Variants in GDA observed in about 807,000 individuals in gnomAD.
The protein encoded by GDA is cytoplasmic PSD-95 interactor.
GDA carries 18 observed loss-of-function variants against 59.6 expected under a neutral mutation model. The observed-to-expected ratio is 0.30, with a 90% CI of 0.21 to 0.45. The LOEUF is 0.45. Ranked by LOEUF, GDA falls within the 20% of genes least tolerant of loss-of-function variation. GDA has a pLI of 1.00. For synonymous variants in GDA, 201 were observed against 201.1 expected (o/e 1.00, Z 0.00); for missense variants, 427 against 552.3 (o/e 0.77, Z 2.27).
chr9:72,225,586 A>G (rs996003108), intron 7 of GDA, 91 bp from the exon 8 acceptor site: 2 of 672,622 alleles, frequency 3.0e-6, no homozygotes, highest in Non-Finnish European at 5.3e-6. Context: ...ATAGGCAAGT[A>G]GAAAACCATT....
intron 1 of GDA, among the ~76,000 whole-genome samples, chr9:72,121,417 G>T (rs951776971): frequency 6.6e-6 from 1 of 152,120 alleles, no homozygotes; most frequent in Non-Finnish European, 1.5e-5. Context: ...GGCCAACATG[G>T]TGAATCCCGT....
In GDA at chr9:72,135,977, C is replaced by T. The variant is rs1220332137; in HGVS notation, c.-100+21144C>T. The stretch of plus-strand genomic sequence containing the variant: ...CTTCGGGTATTACAAATGGCACCTA[C>T]ATTGATTTAGTTCTATCTGTAAATC... On this transcript the variant is annotated intron_variant, in intron 1 of 13. Transcript: ENST00000545168. Among the ~76,000 whole-genome samples the T allele has an allele frequency of 7.9e-5, 12 of 152,030 alleles. No homozygotes were observed. The East Asian group carries it at 1.4e-3, about 17-fold the overall frequency.
chr9:72,116,866 G>T (rs4395955), intron 1 of GDA, among the ~76,000 whole-genome samples: 17,729 of 151,644 alleles, frequency 0.12, 2,148 homozygotes, highest in African/African-American at 0.31. Flanking sequence ...ATGTTGGTGT[G>T]CTGCACCCAT....
At chr9:72,210,351 A>G (rs1835201374) in intron 3 of GDA, among the ~76,000 whole-genome samples, 1 of 152,208 alleles carries the variant, frequency 6.6e-6, no homozygotes, top group Non-Finnish European at 1.5e-5. Flanking sequence ...TCTGTAGTAG[A>G]AGAAAAACTT....
At chr9:72,133,652 T>C (rs1283201037) in intron 1 of GDA, among the ~76,000 whole-genome samples, 1 of 152,208 alleles carries the variant, frequency 6.6e-6, no homozygotes, top group East Asian at 1.9e-4. Flanking sequence ...GAGTAGATGT[T>C]CACTCTGGTT....
At chr9:72,119,963 T>C (rs1825607058) in intron 1 of GDA, among the ~76,000 whole-genome samples, 1 of 152,206 alleles carries the variant, frequency 6.6e-6, no homozygotes, top group African/African-American at 2.4e-5. Context: ...CCACATCTCT[T>C]AGAGCTGACC....
intron 1 of GDA, among the ~76,000 whole-genome samples, chr9:72,133,857 C>T (rs1039295448): frequency 7.2e-5 from 11 of 152,130 alleles, no homozygotes; most frequent in African/African-American, 1.9e-4. Flanking sequence ...ACCCACTGTG[C>T]GGACTGAAAC....
intron 3 of GDA, among the ~76,000 whole-genome samples, chr9:72,203,162 A>G (rs1359690436): frequency 6.6e-6 from 1 of 152,210 alleles, no homozygotes; most frequent in Non-Finnish European, 1.5e-5. Context: ...GATAGTACCT[A>G]TTTCACAGGA....
chr9:72,239,273 A>G (rs923827234), intron 10 of GDA, among the ~76,000 whole-genome samples: 7 of 152,230 alleles, frequency 4.6e-5, no homozygotes, highest in Non-Finnish European at 7.3e-5. Flanking sequence ...CTGACATAAC[A>G]TTGGCAACCA....
intron 4 of GDA, among the ~76,000 whole-genome samples, chr9:72,211,505 G>A (rs1345524319): frequency 1.3e-5 from 2 of 152,194 alleles, no homozygotes; most frequent in African/African-American, 4.8e-5. Flanking sequence ...CACATAGCAG[G>A]TGCTCAGTAA....
intron 1 of GDA, among the ~76,000 whole-genome samples, chr9:72,180,985 T>G (rs1306546157): frequency 6.6e-6 from 1 of 152,260 alleles, no homozygotes; most frequent in Non-Finnish European, 1.5e-5. Flanking sequence ...GGTTTTTTCC[T>G]TTTGGTCACT....
At position 72,222,926 on chromosome 9, in the gene GDA, C is replaced by G. The variant is rs181406270; in HGVS notation, c.607-194C>G. Among the ~76,000 whole-genome samples, 1,044 of 152,174 alleles carry G rather than the reference C, an allele frequency of 6.9e-3. 14 individuals carry two copies. Among genetic ancestry groups the G allele is most frequent in the African/African-American group, 0.024 (1,005 of 41,494 alleles). ...TTCTCCATGTTGGTCAGGCTGGTCT[C>G]GAACTCCCGGCCCTCAGGTGATCCA... On this transcript the variant is annotated intron_variant, in intron 6 of 13. Coordinates refer to ENST00000358399, the MANE Select transcript of GDA (RefSeq NM_004293.5).
chr9:72,183,583 C>T (rs1301797108), intron 1 of GDA, among the ~76,000 whole-genome samples: 4 of 152,164 alleles, frequency 2.6e-5, no homozygotes, highest in African/African-American at 9.7e-5. Context: ...GGCCGTTAGC[C>T]TGTAGGCAAC....
intron 2 of GDA, among the ~76,000 whole-genome samples, chr9:72,197,129 T>C (rs1026773344): frequency 1.1e-4 from 16 of 152,226 alleles, no homozygotes; most frequent in Admixed American, 7.9e-4. Flanking sequence ...CAGACTGTAC[T>C]GTAGCTTTGC....
rs139658191 is a variant in GDA at position 72,195,578 on chromosome 9, C to A, written c.202C>A (p.Leu68Met). Residue 68 changes from leucine to methionine, a missense_variant, in exon 2 of 14, where the codon CTG (leucine) becomes ATG (methionine). Coordinates refer to ENST00000358399, the MANE Select transcript of GDA (RefSeq NM_004293.5). ...WCFKPCEIRE[L>M]SHHEFFMPGL... ...CTTCAAGCCGTGTGAAATAAGAGAA[C>A]TGAGCCACCAGTAAGTTGTTACTTC... 47 of 1,539,484 alleles carry A rather than the reference C, an allele frequency of 3.1e-5. No homozygotes were observed. In the African/African-American group the frequency reaches 5.9e-4, roughly 19 times the overall value.
intron 10 of GDA, among the ~76,000 whole-genome samples, chr9:72,240,527 A>G (rs992105071): frequency 2.0e-5 from 3 of 152,210 alleles, no homozygotes; most frequent in Non-Finnish European, 4.4e-5. Flanking sequence ...AAAGATGTCT[A>G]TCAGAATCTG....
chr9:72,234,579 C>G (rs940237520), intron 10 of GDA, among the ~76,000 whole-genome samples: 5 of 151,990 alleles, frequency 3.3e-5, no homozygotes, highest in Non-Finnish European at 7.4e-5. Context: ...AACCACAGAG[C>G]CAACACATGG....
chr9:72,229,937 G>A (rs139010227), intron 9 of GDA, among the ~76,000 whole-genome samples: 23 of 152,234 alleles, frequency 1.5e-4, no homozygotes, highest in African/African-American at 5.1e-4. Flanking sequence ...ATAGTGGAAG[G>A]ATTTAACACC....
intron 1 of GDA, among the ~76,000 whole-genome samples, chr9:72,166,889 A>G (rs1430724917): frequency 1.3e-5 from 2 of 152,102 alleles, no homozygotes; most frequent in East Asian, 3.8e-4. Flanking sequence ...CATAATGCCA[A>G]TTTGGTGCTT....
Sources: allele counts gnomAD v4.1 joint callset (sites outside exome capture counted in the v4.1 genomes callset), GRCh38; gene constraint gnomAD v4.1.1; transcripts MANE v1.5; gene names NCBI Gene and HGNC (gene_info 2026-07-23, HGNC 2026-07-21).